The following FBN2 variants were observed in gnomAD, a reference collection of about 807,000 sequenced individuals.
FBN2 encodes the protein fibrillin-2.
A neutral mutation model predicts 355.6 loss-of-function variants in FBN2; 105 were observed. That is an observed-to-expected ratio of 0.30 (90% CI 0.25 to 0.35). FBN2 has a LOEUF of 0.35. Ranked by LOEUF, FBN2 falls within the 10% of genes least tolerant of loss-of-function variation. The pLI, the probability that FBN2 is intolerant of heterozygous loss-of-function variation, is 1.00. For synonymous variants in FBN2, 1,350 were observed against 1,301.2 expected, an observed-to-expected ratio of 1.04 and a Z score of -0.81; for missense variants, 3,280 against 3,758.7, an observed-to-expected ratio of 0.87 and a Z score of 3.33.
intron 58 of FBN2, among the ~76,000 whole-genome samples, chr5:128,277,618 GTTTCTCTGT>G (rs2126808496): frequency 6.6e-6 from 1 of 152,262 alleles, no homozygotes; most frequent in Non-Finnish European, 1.5e-5. Context: ...AAACTTAAGA[GTTTCTCTGT>G]TTTTGACACA....
intron 20 of FBN2, among the ~76,000 whole-genome samples, chr5:128,354,547 G>GT (rs1751453474): frequency 6.6e-6 from 1 of 152,206 alleles, no homozygotes; most frequent in African/African-American, 2.4e-5. Context: ...GGAAAAGAAG[G>GT]TAAGGTAGAG....
chr5:128,333,839 T>TCACACACA (rs368334500), intron 31 of FBN2, among the ~76,000 whole-genome samples: 19,032 of 122,558 alleles, frequency 0.16, 1,740 homozygotes, highest in Non-Finnish European at 0.23. Context: ...GATGCTGAAA[T>TCACACACA]CACACACACA....
At chr5:128,333,157 C>A in intron 31 of FBN2, 123 bp from the exon 32 acceptor site, 1 of 831,636 alleles carries the variant, frequency 1.2e-6, no homozygotes, top group Non-Finnish European at 2.0e-6. Flanking sequence ...AAAAGAGTAG[C>A]CTAACTAACT....
chr5:128,440,501 C>T (rs183730479), intron 7 of FBN2, among the ~76,000 whole-genome samples: 1 of 152,164 alleles, frequency 6.6e-6, no homozygotes, highest in Non-Finnish European at 1.5e-5. Flanking sequence ...ACAACCAGAT[C>T]TCATGAGAAC....
At chr5:128,284,843 T>TA (rs1429212611) in intron 55 of FBN2, among the ~76,000 whole-genome samples, 1 of 152,228 alleles carries the variant, frequency 6.6e-6, no homozygotes, top group African/African-American at 2.4e-5. Flanking sequence ...TGCATCTACC[T>TA]ATTTTCACAC....
chr5:128,344,021 A>T (rs1274073651), intron 25 of FBN2, among the ~76,000 whole-genome samples: 1 of 152,206 alleles, frequency 6.6e-6, no homozygotes, highest in Non-Finnish European at 1.5e-5. Context: ...ACTTGAAGCC[A>T]GGAGTTTGAG....
At chr5:128,279,674 C>G (rs1413999750) in intron 56 of FBN2, among the ~76,000 whole-genome samples, 2 of 152,062 alleles carry the variant, frequency 1.3e-5, no homozygotes, top group African/African-American at 4.8e-5. Context: ...CTTTTTGCAG[C>G]TGCCATAATT....
At chr5:128,292,617 A>G (rs541288873) in intron 48 of FBN2, among the ~76,000 whole-genome samples, 1 of 152,200 alleles carries the variant, frequency 6.6e-6, no homozygotes, top group East Asian at 1.9e-4. Flanking sequence ...ACCACCAACA[A>G]CAAAAAAAAC....
chr5:128,314,868 G>A (rs77000062), intron 36 of FBN2, among the ~76,000 whole-genome samples: 6,016 of 152,024 alleles, frequency 0.04, 404 homozygotes, highest in African/African-American at 0.13. Context: ...AGTCATGCTT[G>A]TTCTGTAAAC....
chr5:128,312,895 G>T (rs186025202), intron 36 of FBN2, 100 bp from the exon 37 acceptor site: 1 of 1,302,408 alleles, frequency 7.7e-7, no homozygotes. Flanking sequence ...AATTTTGTAC[G>T]TTAACATGAA....
At chr5:128,475,148 T>A (rs1754976578) in intron 5 of FBN2, among the ~76,000 whole-genome samples, 1 of 152,162 alleles carries the variant, frequency 6.6e-6, no homozygotes, top group Non-Finnish European at 1.5e-5. Flanking sequence ...CTTTTATACA[T>A]TAGCACCAGG....
At chr5:128,350,755 A>T (rs1158725159) in intron 21 of FBN2, 113 bp downstream of exon 21, 2 of 1,251,466 alleles carry the variant, frequency 1.6e-6, no homozygotes, top group Non-Finnish European at 2.3e-6. Flanking sequence ...CATTTTAGCA[A>T]AAGTAAATGA....
At chr5:128,291,900 T>C (rs768020290) in intron 48 of FBN2, among the ~76,000 whole-genome samples, 1 of 152,112 alleles carries the variant, frequency 6.6e-6, no homozygotes, top group Non-Finnish European at 1.5e-5. Flanking sequence ...GGTGTATGTA[T>C]GTCTACCTGC....
At chr5:128,355,840 G>A (rs1443563782) in intron 20 of FBN2, among the ~76,000 whole-genome samples, 1 of 152,198 alleles carries the variant, frequency 6.6e-6, no homozygotes, top group Non-Finnish European at 1.5e-5. Flanking sequence ...GAAAAATATG[G>A]TGGTGGTTAG....
intron 25 of FBN2, among the ~76,000 whole-genome samples, chr5:128,342,094 A>G (rs538270035): frequency 1.9e-4 from 29 of 152,254 alleles, no homozygotes; most frequent in Middle Eastern, 3.4e-3. Context: ...CAGGAAGAAC[A>G]GAGAGAGTTA....
chr5:128,537,468 G>A lies in FBN2; in HGVS notation c.136C>T (p.Gln46Ter). 6.2e-7 allele frequency: 1 copy of A among 1,603,450 alleles called. No homozygotes were observed. Among genetic ancestry groups the A allele is most frequent in the Non-Finnish European group, 8.5e-7 (1 of 1,176,534 alleles). Reference protein sequence around the residue: ...KPPRPQPPPQQVRSATAGSEG... With the variant: ...KPPRPQPPPQ Reference sequence around the variant, plus strand: ...GAGCCTGCTGTAGCGGACCGAACCTGTTGCGGCGGCGGCTGGGGCCGGGGC... The same window carrying A: ...GAGCCTGCTGTAGCGGACCGAACCTATTGCGGCGGCGGCTGGGGCCGGGGC... Residue 46 changes from glutamine (Q) to a stop codon, truncating the protein, a stop_gained, in exon 1 of 65, where the codon CAG becomes TAG. Coordinates refer to ENST00000262464, the MANE Select transcript of FBN2 (RefSeq NM_001999.4). LOFTEE classifies it high-confidence loss of function.
At chr5:128,495,352 A>C (rs1755627028) in intron 5 of FBN2, among the ~76,000 whole-genome samples, 1 of 152,128 alleles carries the variant, frequency 6.6e-6, no homozygotes, top group African/African-American at 2.4e-5. Flanking sequence ...CAATAAAGGA[A>C]ATACCAGAGG....
At chr5:128,441,308 T>C (rs552945418) in intron 7 of FBN2, among the ~76,000 whole-genome samples, 1 of 152,200 alleles carries the variant, frequency 6.6e-6, no homozygotes, top group Admixed American at 6.5e-5. Flanking sequence ...TCTCCATGAG[T>C]TTCCCCGTCA....
chr5:128,271,510 T>C (rs1475629965), intron 62 of FBN2, among the ~76,000 whole-genome samples: 1 of 152,200 alleles, frequency 6.6e-6, no homozygotes, highest in Non-Finnish European at 1.5e-5. Flanking sequence ...GCCAACAGCA[T>C]TTGCTGTAAG....
Sources: allele counts gnomAD v4.1 joint callset (sites outside exome capture counted in the v4.1 genomes callset), GRCh38; gene constraint gnomAD v4.1.1; transcripts MANE v1.5; gene names NCBI Gene and HGNC (gene_info 2026-07-23, HGNC 2026-07-21).